Variants in ZFP92 observed in about 807,000 individuals in gnomAD.
ZFP92 encodes ZFP92 zinc finger protein.
Under a neutral mutation model 7.6 loss-of-function variants are expected in ZFP92, and 2 were observed. That is an observed-to-expected ratio of 0.26 (90% CI 0.11 to 0.83). The LOEUF (loss-of-function observed/expected upper bound fraction) is 0.83, where lower values mean the gene tolerates loss of function less well. ZFP92 is among the 40% of genes least tolerant of loss of function. The pLI is 0.65. For synonymous variants in ZFP92, 226 were observed against 183.6 expected, an observed-to-expected ratio of 1.23 and a Z score of -1.87; for missense variants, 324 against 408.3, an observed-to-expected ratio of 0.79 and a Z score of 1.78.
intron 4 of ZFP92, 54 bp downstream of exon 4, chrX:153,418,853 G>A (rs1267513430): frequency 8.8e-7 from 1 of 1,132,188 alleles, no homozygotes; most frequent in African/African-American, 1.8e-5. Flanking sequence ...CTCTGTCTCT[G>A]GGCTCAGTTT....
Position 153,422,982 on chromosome X carries a change from C to T in ZFP92, c.*1354C>T, listed in dbSNP as rs1349346408. 3 of 112,528 alleles carry T rather than the reference C, an allele frequency of 2.7e-5. No individual in the cohort carries two copies. Among genetic ancestry groups the T allele is most frequent in the African/African-American group, 9.7e-5 (3 of 30,960 alleles). The allele number at this position is 112,528 out of a possible 1,213,427, so 9.3% of individuals were successfully genotyped here. A position where few individuals can be genotyped will look rare whatever the true frequency, so the allele number is the denominator to read the frequency against. The stretch of plus-strand genomic sequence containing the variant: ...TACAACGATGCAGTCCACCCCTCTT[C>T]CCCTTAGCCCTGCAGAAACAGGGCA... On this transcript the variant is annotated 3_prime_UTR_variant, in exon 6 of 6. Coordinates refer to ENST00000338647, the MANE Select transcript of ZFP92 (RefSeq NM_001136273.2).
chrX:153,415,377 C>A (rs1311075264), intron 2 of ZFP92, among the ~76,000 whole-genome samples: 2 of 112,684 alleles, frequency 1.8e-5, no homozygotes, highest in African/African-American at 6.4e-5. Context: ...TGGCTTCTTT[C>A]ACTGAGCAGT....
chrX:153,412,553 A>G (rs781900089), intron 2 of ZFP92, among the ~76,000 whole-genome samples: 1 of 112,493 alleles, frequency 8.9e-6, no homozygotes, highest in South Asian at 3.7e-4. Context: ...GGTGGTTAGA[A>G]TAACTTATTC....
chrX:153,421,458 G>A lies in ZFP92; in HGVS notation c.1081G>A (p.Ala361Thr), dbSNP rs1299875228. Residue 361 changes from alanine to threonine, a missense_variant, in exon 6 of 6, where the codon GCC becomes ACC. By Grantham distance (58) the Ala-to-Thr change is moderately conservative (BLOSUM62 0). Transcript: ENST00000338647. ...SDCGKAFGRR[A>T]NLFKHQAVHG... ...CTGCGGCAAGGCCTTCGGCCGGCGCGCCAACCTATTCAAGCACCAGGCAGT... is the reference window on the plus strand; with the variant it reads ...CTGCGGCAAGGCCTTCGGCCGGCGCACCAACCTATTCAAGCACCAGGCAGT... 2.3e-5 allele frequency: 27 copies of A among 1,149,492 alleles called. No individual in the cohort carries two copies. Among genetic ancestry groups the A allele is most frequent in the East Asian group, 3.3e-5 (1 of 30,339 alleles). 94.7% of individuals were successfully genotyped at this position (1,149,492 alleles called of 1,213,427 possible).
chrX:153,421,758 C>G lies in ZFP92; in HGVS notation c.*130C>G. Reference sequence around the variant, plus strand: ...TCGATTGCGGCCACAGCCCTGACCTCTTTGGCCATCAGAAGACCCCAGGCA... The same window carrying G: ...TCGATTGCGGCCACAGCCCTGACCTGTTTGGCCATCAGAAGACCCCAGGCA... On this transcript the variant is annotated 3_prime_UTR_variant, in exon 6 of 6. Transcript: ENST00000338647. The G allele has an allele frequency of 5.0e-6, 4 of 807,280 alleles. No individual in the cohort carries two copies. The highest frequency in any genetic ancestry group is 6.1e-6 in the Non-Finnish European group (4 of 650,639). The allele number at this position is 807,280 out of a possible 1,213,427, so 66.5% of individuals were successfully genotyped here.
rs1416285296 is a variant in ZFP92, at chrX:153,411,538, G to T, written c.-233G>T. Among the ~76,000 whole-genome samples the T allele has an allele frequency of 8.9e-6, 1 of 112,720 alleles. No homozygotes were observed. The highest frequency in any genetic ancestry group is 3.2e-5 in the African/African-American group (1 of 31,098). On this transcript the variant is annotated 5_prime_UTR_variant, in exon 1 of 6. Transcript: ENST00000338647. ...CCCCTTCAGGACGCTCTTCGCGAGC[G>T]GTACCCAGAGGCGAAGTCGAGACAA...
At chrX:153,416,699 C>T (rs1200739967) in intron 2 of ZFP92, among the ~76,000 whole-genome samples, 1 of 111,835 alleles carries the variant, frequency 8.9e-6, no homozygotes, top group Non-Finnish European at 1.9e-5. Context: ...ATCTTTTACC[C>T]CCCTGTCCTA....
rs1413061476 is a variant in ZFP92 at position 153,422,708 on chromosome X, C to T, written c.*1080C>T. 1 of 112,918 alleles carries T rather than the reference C, an allele frequency of 8.9e-6. No homozygotes were observed. The highest frequency in any genetic ancestry group is 3.2e-5 in the African/African-American group (1 of 31,063). 9.3% of individuals were successfully genotyped at this position (112,918 alleles called of 1,213,427 possible). A position where few individuals can be genotyped will look rare whatever the true frequency, so the allele number is the denominator to read the frequency against. On this transcript the variant is annotated 3_prime_UTR_variant, in exon 6 of 6. Transcript: ENST00000338647. ...TTAGGCAACAGAGCAAGCCCAGGAA[C>T]GAATCTTTCATCGAATGTCTTTTGC...
At position 153,423,830 on chromosome X, in the gene ZFP92, G is replaced by A. The variant is rs2089024716; in HGVS notation, c.*2202G>A. 8.8e-6 allele frequency: 1 copy of A among 113,993 alleles called. No individual in the cohort carries two copies. The highest frequency in any genetic ancestry group is 3.2e-5 in the African/African-American group (1 of 31,454). The allele number at this position is 113,993 out of a possible 1,213,427, so 9.4% of individuals were successfully genotyped here. A position where few individuals can be genotyped will look rare whatever the true frequency, so the allele number is the denominator to read the frequency against. On this transcript the variant is annotated 3_prime_UTR_variant, in exon 6 of 6. Transcript: ENST00000338647. The stretch of plus-strand genomic sequence containing the variant: ...TCTGCTGTGCAGACAGTCTTTGCAA[G>A]GGCTGGCATGGGCCCAGAAATGCAA...
rs1556975202 is a variant in ZFP92, at chrX:153,421,492, C to T, written c.1115C>T (p.Ala372Val). ...NLFKHQAVHG[A>V]RRPAKAETAR... ...TTCAAGCACCAGGCAGTGCACGGCG[C>T]CAGGCGCCCTGCGAAGGCGGAGACG... is the stretch of plus-strand genomic sequence containing the variant. The change falls in exon 6 of 6, where the codon GCC becomes GTC. Residue 372 changes from alanine to valine, a missense_variant. Coordinates refer to ENST00000338647, the MANE Select transcript of ZFP92 (RefSeq NM_001136273.2). 1 of 1,145,911 alleles carries T rather than the reference C, an allele frequency of 8.7e-7. No homozygotes were observed. The highest frequency in any genetic ancestry group is 1.2e-6 in the Non-Finnish European group (1 of 867,996). 94.4% of individuals were successfully genotyped at this position (1,145,911 alleles called of 1,213,427 possible).
rs1257276199 is a variant in ZFP92, at chrX:153,422,554, CCCTGT to C, written c.*929_*933del. 13 of 109,851 alleles carry C rather than the reference CCCTGT, an allele frequency of 1.2e-4. No homozygotes were observed. Among genetic ancestry groups the C allele is most frequent in the African/African-American group, 4.3e-4 (13 of 30,102 alleles). 9.1% of individuals were successfully genotyped at this position (109,851 alleles called of 1,213,427 possible). On this transcript the variant is annotated 3_prime_UTR_variant, in exon 6 of 6. Transcript: ENST00000338647. ...CAAAGGCCACCCTGGCCTCTCTGTC[CCCTGT>C]CCCCCTGCCCCGCCCCACCACCAGT...
At position 153,420,448 on chromosome X, in the gene ZFP92, T is replaced by G. The variant is rs112593033; in HGVS notation, c.265+116T>G. 3,693 of 886,248 alleles carry G rather than the reference T, an allele frequency of 4.2e-3. 116 individuals carry two copies. The African/African-American group carries it at 0.068, about 16-fold the overall frequency. 73.0% of individuals were successfully genotyped at this position (886,248 alleles called of 1,213,427 possible). A position where few individuals can be genotyped will look rare whatever the true frequency, so the allele number is the denominator to read the frequency against. ...GTGGGAAATCCTCTTTGGAGGCAGATGTCAATCTCCAGGTGTCACAGCAGC... is the reference window on the plus strand; with the variant it reads ...GTGGGAAATCCTCTTTGGAGGCAGAGGTCAATCTCCAGGTGTCACAGCAGC... On this transcript the variant is annotated intron_variant, in intron 5 of 5. Transcript: ENST00000338647.
rs1243112892 is a variant in ZFP92, at chrX:153,418,326, G to A, written c.4G>A (p.Ala2Thr). M[A>T]AILLTTRPKV... ...TTAGCTCCTCTGCGCCCTGGTGATG[G>A]CAGCCATTCTCCTGACCACGAGACC... Residue 2 changes from alanine (A) to threonine (T), a missense_variant, in exon 3 of 6, where the codon GCA (alanine) becomes ACA (threonine). Physicochemically the swap from Ala to Thr is moderately conservative, Grantham distance 58 (BLOSUM62 0). Coordinates refer to ENST00000338647, the MANE Select transcript of ZFP92 (RefSeq NM_001136273.2). 8.6e-7 allele frequency: 1 copy of A among 1,167,799 alleles called. No homozygotes were observed. The highest frequency in any genetic ancestry group is 2.6e-5 in the Admixed American group (1 of 38,765).
At chrX:153,420,176 G>A in intron 4 of ZFP92, 52 bp from the exon 5 acceptor site, 6 of 982,594 alleles carry the variant, frequency 6.1e-6, no homozygotes, top group Non-Finnish European at 8.4e-6. Flanking sequence ...GTTCAGGAGC[G>A]ACCCTGCCCT....
At chrX:153,416,553 G>A (rs184968179) in intron 2 of ZFP92, among the ~76,000 whole-genome samples, 474 of 111,366 alleles carry the variant, frequency 4.3e-3, no homozygotes, top group African/African-American at 0.014. Context: ...CTCCTGTGGC[G>A]TTGTTGGCAC....
At chrX:153,415,912 C>A (rs1482337209) in intron 2 of ZFP92, among the ~76,000 whole-genome samples, 1 of 111,272 alleles carries the variant, frequency 9.0e-6, no homozygotes, top group Non-Finnish European at 1.9e-5. Context: ...CCATAATCAC[C>A]CTCTCCCAAT....
Position 153,422,012 on chromosome X carries a change from A to C in ZFP92, c.*384A>C. 2.5e-5 allele frequency: 3 copies of C among 121,791 alleles called. No homozygotes were observed. The highest frequency in any genetic ancestry group is 3.4e-5 in the Non-Finnish European group (2 of 59,033). 10.0% of individuals were successfully genotyped at this position (121,791 alleles called of 1,213,427 possible). A position where few individuals can be genotyped will look rare whatever the true frequency, so the allele number is the denominator to read the frequency against. ...CGTGCGTGGAGGGGATGCGTGAACCATCCCTCGGATTTGCATCAGAATCGC... is the reference window on the plus strand; with the variant it reads ...CGTGCGTGGAGGGGATGCGTGAACCCTCCCTCGGATTTGCATCAGAATCGC... On this transcript the variant is annotated 3_prime_UTR_variant, in exon 6 of 6. Transcript: ENST00000338647.
Position 153,418,366 on chromosome X carries a change from G to GC in ZFP92, c.33+15dup. 8.6e-7 allele frequency: 1 copy of GC among 1,166,815 alleles called. No individual in the cohort carries two copies. The highest frequency in any genetic ancestry group is 1.1e-6 in the Non-Finnish European group (1 of 872,447). ...ACCACGAGACCCAAGGTGAGTGGTG[G>GC]CCCCTCTCCCTGGCCTCTCCCCCTG... On this transcript the variant is annotated intron_variant, in intron 3 of 5. Transcript: ENST00000338647.
chrX:153,421,117 G>A lies in ZFP92; in HGVS notation c.740G>A (p.Arg247His). ...GGCGACTGCGGCAAACTGTTCCGCC[G>A]CAGCTTCGCGCTCCTGGAGCACGCG... ...ACGDCGKLFRRSFALLEHARV... is the reference protein window; with the variant it reads ...ACGDCGKLFRHSFALLEHARV... Residue 247 changes from arginine to histidine, a missense_variant, in exon 6 of 6, where the codon CGC becomes CAC. Coordinates refer to ENST00000338647, the MANE Select transcript of ZFP92 (RefSeq NM_001136273.2). 1 of 1,175,489 alleles carries A rather than the reference G, an allele frequency of 8.5e-7. No individual in the cohort carries two copies. The highest frequency in any genetic ancestry group is 3.1e-5 in the East Asian group (1 of 31,746).
Sources: gnomAD v4.1 joint callset for allele counts (sites outside exome capture counted in the v4.1 genomes callset) on GRCh38, gnomAD v4.1.1 for gene constraint, MANE v1.5 for transcripts, NCBI Gene and HGNC (gene_info 2026-07-23, HGNC 2026-07-21) for gene names.